ACOXL: variants seen among roughly 807,000 people sequenced by gnomAD.
ACOXL encodes the protein acyl-coenzyme A oxidase-like protein.
ACOXL carries 70 observed loss-of-function variants against 71.9 expected under a neutral mutation model. The observed-to-expected ratio is 0.97, with a 90% CI of 0.80 to 1.19. ACOXL has a LOEUF of 1.19. ACOXL is among the 50% of genes most tolerant of loss of function. The pLI is 0.00. For synonymous variants in ACOXL, 253 were observed against 281.6 expected (o/e 0.90, Z 1.02); for missense variants, 703 against 736.3 (o/e 0.95, Z 0.52).
chr2:111,071,497 T>C (rs2067338868), intron 16 of ACOXL, among the ~76,000 whole-genome samples: 1 of 152,196 alleles, frequency 6.6e-6, no homozygotes, highest in Non-Finnish European at 1.5e-5. Context: ...TTCCTTAAAC[T>C]AGGAGATTGT....
At chr2:110,922,294 A>G (rs1253990905) in intron 11 of ACOXL, among the ~76,000 whole-genome samples, 1 of 152,252 alleles carries the variant, frequency 6.6e-6, no homozygotes, top group Non-Finnish European at 1.5e-5. Flanking sequence ...AAAACAGGCA[A>G]CAGTGTTATA....
chr2:110,833,383 G>A (rs1043162097), intron 9 of ACOXL, among the ~76,000 whole-genome samples: 9 of 152,202 alleles, frequency 5.9e-5, no homozygotes, highest in Non-Finnish European at 1.3e-4. Context: ...TATGGAAACG[G>A]AGAGCAGATT....
intron 9 of ACOXL, among the ~76,000 whole-genome samples, chr2:110,823,900 A>G (rs571057799): frequency 6.6e-6 from 1 of 152,052 alleles, no homozygotes; most frequent in Non-Finnish European, 1.5e-5. Flanking sequence ...TTTTGCAGAG[A>G]TTTTCTTCCA....
chr2:110,877,517 A>G (rs1428334246), intron 10 of ACOXL, among the ~76,000 whole-genome samples: 1 of 152,182 alleles, frequency 6.6e-6, no homozygotes. Context: ...GTTTTTTCAA[A>G]CACTGTAGAT....
chr2:110,860,470 G>A (rs553193499), intron 10 of ACOXL, among the ~76,000 whole-genome samples: 50 of 152,210 alleles, frequency 3.3e-4, no homozygotes, highest in African/African-American at 1.0e-3. Context: ...AGGCTCCACC[G>A]CAGCTGCAGT....
At chr2:110,810,562 C>T (rs1573625955) in intron 9 of ACOXL, among the ~76,000 whole-genome samples, 1 of 151,980 alleles carries the variant, frequency 6.6e-6, no homozygotes, top group Admixed American at 6.6e-5. Context: ...ATTCATCCAT[C>T]ATCTGTTCAT....
intron 12 of ACOXL, among the ~76,000 whole-genome samples, chr2:110,956,323 G>A (rs891463425): frequency 1.1e-4 from 16 of 152,126 alleles, no homozygotes; most frequent in African/African-American, 3.9e-4. Flanking sequence ...TAAGATGGAG[G>A]GAGCCTTGGT....
chr2:110,908,359 G>A (rs1346507804), intron 10 of ACOXL, among the ~76,000 whole-genome samples: 2 of 152,194 alleles, frequency 1.3e-5, no homozygotes, highest in Non-Finnish European at 2.9e-5. Flanking sequence ...TCTGACAGGA[G>A]CACCAGGGTT....
At chr2:111,106,104 G>C (rs906080298) in intron 17 of ACOXL, among the ~76,000 whole-genome samples, 1 of 152,060 alleles carries the variant, frequency 6.6e-6, no homozygotes, top group Non-Finnish European at 1.5e-5. Flanking sequence ...TTTCTGCCCA[G>C]CCCACTTCCT....
chr2:110,733,757 A>G (rs1026013157), intron 1 of ACOXL, among the ~76,000 whole-genome samples: 1 of 152,104 alleles, frequency 6.6e-6, no homozygotes, highest in Non-Finnish European at 1.5e-5. Flanking sequence ...GAAGTGTGGG[A>G]TGGTGGGTAT....
intron 2 of ACOXL, among the ~76,000 whole-genome samples, chr2:110,769,104 GA>G (rs1681518455): frequency 6.6e-6 from 1 of 151,954 alleles, no homozygotes; most frequent in Non-Finnish European, 1.5e-5. Context: ...CTGGGAAATA[GA>G]AATAACTCAT....
chr2:110,736,881 A>G (rs772685780), intron 1 of ACOXL, among the ~76,000 whole-genome samples: 1 of 152,114 alleles, frequency 6.6e-6, no homozygotes, highest in African/African-American at 2.4e-5. Context: ...CGGCCTCCCA[A>G]AGTGCTGGGA....
intron 14 of ACOXL, among the ~76,000 whole-genome samples, chr2:111,022,421 T>TCACACACACACA (rs10543530): frequency 0.012 from 1,746 of 147,474 alleles, 34 homozygotes; most frequent in African/African-American, 0.041. Context: ...AGACCCCTCC[T>TCACACACACACA]CACACACACA....
At chr2:111,014,037 A>T (rs1023702144) in intron 14 of ACOXL, among the ~76,000 whole-genome samples, 1 of 152,250 alleles carries the variant, frequency 6.6e-6, no homozygotes, top group African/African-American at 2.4e-5. Flanking sequence ...TGAGCTGATG[A>T]TGAAAAGTCT....
chr2:111,005,519 T>G (rs1574460511), intron 14 of ACOXL, among the ~76,000 whole-genome samples: 1 of 152,232 alleles, frequency 6.6e-6, no homozygotes, highest in Non-Finnish European at 1.5e-5. Flanking sequence ...ACTACTCTTG[T>G]GTGTGTTTGA....
At chr2:110,856,159 A>G (rs12711785) in intron 10 of ACOXL, among the ~76,000 whole-genome samples, 102,068 of 152,002 alleles carry the variant, frequency 0.67, 35,078 homozygotes, top group South Asian at 0.81. Flanking sequence ...GAGCTACAGA[A>G]TGCTAATTGG....
At position 111,049,073 on chromosome 2, in the gene ACOXL, A is replaced by G. The variant is rs550251302; in HGVS notation, c.1370-145A>G. 327 of 664,748 alleles carry G rather than the reference A, an allele frequency of 4.9e-4. 1 individual carries two copies. Among genetic ancestry groups the G allele is most frequent in the Non-Finnish European group, 7.9e-4 (301 of 381,140 alleles). The allele number at this position is 664,748 out of a possible 1,614,324, so 41.2% of individuals were successfully genotyped here. ...CGGGGGCCCCTGACCCATGCAGGGG[A>G]CAGTTGGGGAGCTCTGCCATGTCAC... On this transcript the variant is annotated intron_variant, in intron 15 of 17. Coordinates refer to ENST00000439055, the MANE Select transcript of ACOXL (RefSeq NM_001142807.4).
intron 12 of ACOXL, among the ~76,000 whole-genome samples, chr2:110,936,221 A>G (rs2060657083): frequency 6.6e-6 from 1 of 152,008 alleles, no homozygotes. Context: ...TCTTCCCCCA[A>G]CTTTGGATGC....
intron 9 of ACOXL, among the ~76,000 whole-genome samples, chr2:110,828,591 T>C (rs1573718796): frequency 6.6e-6 from 1 of 152,262 alleles, no homozygotes; most frequent in South Asian, 2.1e-4. Flanking sequence ...AGCGTTGTAC[T>C]ATCCTTGTGC....
Sources: allele counts gnomAD v4.1 joint callset (sites outside exome capture counted in the v4.1 genomes callset), GRCh38; gene constraint gnomAD v4.1.1; transcripts MANE v1.5; gene names NCBI Gene and HGNC (gene_info 2026-07-23, HGNC 2026-07-21).